Variants in HS6ST2 observed in about 807,000 individuals in gnomAD.
The protein encoded by HS6ST2 is heparan-sulfate 6-O-sulfotransferase 2.
HS6ST2 carries 17 observed loss-of-function variants against 33.0 expected under a neutral mutation model. That is an observed-to-expected ratio of 0.52 (90% CI 0.35 to 0.77). The LOEUF is 0.77. HS6ST2 is among the 30% of genes least tolerant of loss of function. The pLI is 0.01. For missense variants in HS6ST2, 519 were observed against 551.7 expected (o/e 0.94, Z 0.59); for synonymous variants, 248 against 237.1 (o/e 1.05, Z -0.42).
chrX:132,705,821 T>A (rs2064184852), intron 3 of HS6ST2, among the ~76,000 whole-genome samples: 2 of 111,777 alleles, frequency 1.8e-5, no homozygotes, highest in African/African-American at 3.3e-5. Flanking sequence ...GTAATGTTAA[T>A]TAGGTAATCT....
chrX:132,769,304 T>A (rs2064875396), intron 2 of HS6ST2, among the ~76,000 whole-genome samples: 1 of 112,418 alleles, frequency 8.9e-6, no homozygotes, highest in South Asian at 3.7e-4. Context: ...TTTTCCATTC[T>A]GCAAAGGTTT....
intron 2 of HS6ST2, among the ~76,000 whole-genome samples, chrX:132,777,894 C>T (rs1016182152): frequency 8.9e-6 from 1 of 112,149 alleles, no homozygotes; most frequent in South Asian, 3.7e-4. Context: ...TATGATGGAA[C>T]TTGAGAGAAC....
chrX:132,628,357 T>A lies in HS6ST2; in HGVS notation c.1804A>T (p.Met602Leu). 2 of 1,169,532 alleles carry A rather than the reference T, an allele frequency of 1.7e-6. No individual in the cohort carries two copies. The highest frequency in any genetic ancestry group is 2.3e-6 in the Non-Finnish European group (2 of 870,696). The change falls in exon 5 of 5, where the codon ATG becomes TTG. Residue 602 changes from methionine (M) to leucine (L), a missense_variant. By Grantham distance (15) the Met-to-Leu change is conservative. Transcript: ENST00000370833. The part of the protein sequence containing the change: ...NANQNLTQNL[M>L]QNLTQSLSQK... The stretch of plus-strand genomic sequence containing the variant: ...CTCAAACTCTGAGTCAGATTCTGCA[T>A]CAGATTCTGAGTCAGGTTCTGATTG...
intron 4 of HS6ST2, among the ~76,000 whole-genome samples, chrX:132,664,419 A>T (rs1440282314): frequency 8.9e-6 from 1 of 112,178 alleles, no homozygotes; most frequent in Non-Finnish European, 1.9e-5. Context: ...GACTACTCTT[A>T]TCTGGATACT....
chrX:132,868,761 T>C (rs1250089035), intron 2 of HS6ST2, among the ~76,000 whole-genome samples: 1 of 111,522 alleles, frequency 9.0e-6, no homozygotes, highest in Non-Finnish European at 1.9e-5. Context: ...TACCAGAATC[T>C]CTGGGACACA....
intron 2 of HS6ST2, among the ~76,000 whole-genome samples, chrX:132,779,236 C>T (rs2081437864): frequency 2.7e-5 from 3 of 111,762 alleles, no homozygotes; most frequent in Non-Finnish European, 5.6e-5. Context: ...ATGCTTCATA[C>T]CTCATTGATG....
At chrX:132,807,524 C>T (rs1234525058) in intron 2 of HS6ST2, among the ~76,000 whole-genome samples, 1 of 110,847 alleles carries the variant, frequency 9.0e-6, no homozygotes, top group African/African-American at 3.3e-5. Flanking sequence ...TGCCAGGGCT[C>T]ATGCTTATAG....
intron 2 of HS6ST2, among the ~76,000 whole-genome samples, chrX:132,851,906 T>A (rs931478054): frequency 9.0e-6 from 1 of 111,666 alleles, no homozygotes; most frequent in South Asian, 3.8e-4. Flanking sequence ...TTTGGGAGGC[T>A]AAGGAGAAAG....
At chrX:132,708,323 A>G (rs969159756) in intron 3 of HS6ST2, 139 bp downstream of exon 3, 4 of 311,444 alleles carry the variant, frequency 1.3e-5, no homozygotes, top group Non-Finnish European at 2.1e-5. Flanking sequence ...AAAAAAAAAA[A>G]AAAAAGCCCT....
At chrX:132,928,630 C>T (rs1382068192) in intron 2 of HS6ST2, among the ~76,000 whole-genome samples, 1 of 111,275 alleles carries the variant, frequency 9.0e-6, no homozygotes, top group Non-Finnish European at 1.9e-5. Context: ...TCACTTCCAT[C>T]AACAGAGCCT....
chrX:132,698,617 G>T (rs2064120242), intron 3 of HS6ST2, among the ~76,000 whole-genome samples: 1 of 111,449 alleles, frequency 9.0e-6, no homozygotes, highest in Non-Finnish European at 1.9e-5. Context: ...CAATCAATTT[G>T]ATCTTCCATT....
chrX:132,813,197 A>G (rs762849741), intron 2 of HS6ST2, among the ~76,000 whole-genome samples: 1 of 111,357 alleles, frequency 9.0e-6, no homozygotes, highest in Non-Finnish European at 1.9e-5. Context: ...TAACCTCTTT[A>G]ATTACTAAAT....
chrX:132,820,754 C>T (rs974973769), intron 2 of HS6ST2, among the ~76,000 whole-genome samples: 3 of 35,778 alleles, frequency 8.4e-5, no homozygotes, highest in Non-Finnish European at 1.5e-4. Context: ...TAATCAACCA[C>T]GAGTTGGATC....
intron 2 of HS6ST2, among the ~76,000 whole-genome samples, chrX:132,884,372 G>T (rs2066223148): frequency 8.9e-6 from 1 of 112,069 alleles, no homozygotes; most frequent in Non-Finnish European, 1.9e-5. Flanking sequence ...ACCACAATCT[G>T]CAGATGTTAT....
At chrX:132,903,856 T>C (rs1379797315) in intron 2 of HS6ST2, among the ~76,000 whole-genome samples, 1 of 112,581 alleles carries the variant, frequency 8.9e-6, no homozygotes, top group Non-Finnish European at 1.9e-5. Flanking sequence ...ACTTGGTTTT[T>C]AAAAATTACT....
chrX:132,862,419 C>T (rs1165015299), intron 2 of HS6ST2, among the ~76,000 whole-genome samples: 3 of 111,924 alleles, frequency 2.7e-5, no homozygotes, highest in Non-Finnish European at 5.6e-5. Context: ...GGGATAAGGA[C>T]ACTGACTTCA....
chrX:132,679,751 C>CCG (rs1210887392), intron 3 of HS6ST2, among the ~76,000 whole-genome samples: 1 of 107,768 alleles, frequency 9.3e-6, no homozygotes, highest in African/African-American at 3.4e-5. Flanking sequence ...ACAACCACGC[C>CCG]TGGGGGGGGG....
intron 2 of HS6ST2, among the ~76,000 whole-genome samples, chrX:132,853,806 T>C (rs2065827237): frequency 1.8e-5 from 2 of 111,043 alleles, no homozygotes; most frequent in Admixed American, 1.9e-4. Context: ...GAGGATCACT[T>C]GAGCCCAGGA....
intron 2 of HS6ST2, among the ~76,000 whole-genome samples, chrX:132,829,788 C>T (rs936027947): frequency 1.8e-5 from 2 of 111,648 alleles, no homozygotes; most frequent in Non-Finnish European, 3.8e-5. Flanking sequence ...AGAAGATGTA[C>T]TTGCCCGTGT....
Sources: gnomAD v4.1 joint callset for allele counts (sites outside exome capture counted in the v4.1 genomes callset) on GRCh38, gnomAD v4.1.1 for gene constraint, MANE v1.5 for transcripts, NCBI Gene and HGNC (gene_info 2026-07-23, HGNC 2026-07-21) for gene names.